Variants in FGD4 observed in about 807,000 individuals in gnomAD.
The protein encoded by FGD4 is FYVE, RhoGEF and PH domain containing 4, also known as FYVE, RhoGEF and PH domain-containing protein 4.
In FGD4, 42 loss-of-function variants were observed where a neutral mutation model predicts 102.0. The observed-to-expected ratio is 0.41, with a 90% CI of 0.32 to 0.53. FGD4 has a LOEUF of 0.53. Ranked by LOEUF, FGD4 falls within the 20% of genes least tolerant of loss-of-function variation. The pLI is 0.21. For synonymous variants in FGD4, 380 were observed against 375.7 expected (o/e 1.01, Z -0.13); for missense variants, 902 against 1,078.2 (o/e 0.84, Z 2.29).
intron 1 of FGD4, among the ~76,000 whole-genome samples, chr12:32,453,200 T>TTTTATATATATA (rs1470836726): frequency 1.5e-5 from 1 of 64,590 alleles, no homozygotes; most frequent in African/African-American, 5.0e-5. Context: ...TATATATATA[T>TTTTATATATATA]TATATATATA....
chr12:32,479,961 T>A (rs1360034403), intron 1 of FGD4, among the ~76,000 whole-genome samples: 1 of 151,464 alleles, frequency 6.6e-6, no homozygotes, highest in East Asian at 2.0e-4. Flanking sequence ...GCTAATTTTT[T>A]GTATTTTCTT....
chr12:32,462,283 A>G (rs538976615), intron 1 of FGD4, among the ~76,000 whole-genome samples: 1 of 152,066 alleles, frequency 6.6e-6, no homozygotes, highest in African/African-American at 2.4e-5. Context: ...CAGCCTCCCA[A>G]GTAGCTGGGA....
intron 1 of FGD4, among the ~76,000 whole-genome samples, chr12:32,411,326 G>T (rs1298087221): frequency 1.3e-5 from 2 of 151,816 alleles, no homozygotes. Flanking sequence ...CACGACGTCA[G>T]GAGTTGAGAC....
intron 14 of FGD4, among the ~76,000 whole-genome samples, chr12:32,629,728 A>G (rs1024442914): frequency 8.6e-5 from 13 of 151,788 alleles, no homozygotes; most frequent in African/African-American, 2.7e-4. Context: ...TTCATTTTTA[A>G]TTTTTAATTA....
intron 1 of FGD4, among the ~76,000 whole-genome samples, chr12:32,483,449 T>C (rs1943814835): frequency 6.6e-6 from 1 of 152,242 alleles, no homozygotes; most frequent in African/African-American, 2.4e-5. Context: ...CATAAAAATC[T>C]ACAATGTACA....
chr12:32,575,929 C>T (rs1946090309), intron 2 of FGD4, among the ~76,000 whole-genome samples: 1 of 152,160 alleles, frequency 6.6e-6, no homozygotes, highest in Admixed American at 6.6e-5. Context: ...TTAGCATCAC[C>T]TTTTCCCTGT....
chr12:32,531,044 T>C (rs1360764677), intron 1 of FGD4, among the ~76,000 whole-genome samples: 2 of 147,090 alleles, frequency 1.4e-5, no homozygotes, highest in Non-Finnish European at 3.0e-5. Flanking sequence ...CTCTGCCTTT[T>C]GGGTTCAAGC....
chr12:32,520,682 C>T (rs535685341), intron 1 of FGD4, among the ~76,000 whole-genome samples: 39 of 152,070 alleles, frequency 2.6e-4, no homozygotes, highest in Non-Finnish European at 4.1e-4. Context: ...GTGATCCACC[C>T]GCCTCGGCCT....
intron 5 of FGD4, 126 bp downstream of exon 5, chr12:32,598,712 T>C (rs1565888607): frequency 4.0e-6 from 3 of 743,086 alleles, no homozygotes; most frequent in Non-Finnish European, 4.7e-6. Flanking sequence ...AGGTACTTGC[T>C]CAAGGAAATC....
chr12:32,485,484 A>G (rs1375595743), intron 1 of FGD4, among the ~76,000 whole-genome samples: 5 of 124,008 alleles, frequency 4.0e-5, no homozygotes, highest in African/African-American at 1.5e-4. Context: ...CCTGTTGCCC[A>G]GGCTGGAGTG....
intron 1 of FGD4, among the ~76,000 whole-genome samples, chr12:32,443,859 G>A (rs1942528227): frequency 6.6e-6 from 1 of 150,814 alleles, no homozygotes; most frequent in African/African-American, 2.4e-5. Flanking sequence ...TTTTGAAGAA[G>A]GAAAAATATT....
chr12:32,473,289 C>A (rs1184205710), intron 1 of FGD4, among the ~76,000 whole-genome samples: 1 of 151,950 alleles, frequency 6.6e-6, no homozygotes, highest in African/African-American at 2.4e-5. Context: ...TGTTCTTTTG[C>A]TCTTTGCAAT....
chr12:32,508,893 C>G (rs1939066579), intron 1 of FGD4, among the ~76,000 whole-genome samples: 1 of 152,248 alleles, frequency 6.6e-6, no homozygotes, highest in Non-Finnish European at 1.5e-5. Flanking sequence ...ACAACTTAAA[C>G]TATTGCACCT....
intron 1 of FGD4, among the ~76,000 whole-genome samples, chr12:32,491,132 T>TTA (rs1944073941): frequency 9.4e-6 from 1 of 106,564 alleles, no homozygotes. Flanking sequence ...TTCTGCCAGT[T>TTA]AAAAAAAAAA....
chr12:32,561,088 T>G (rs1319650661), intron 1 of FGD4, among the ~76,000 whole-genome samples: 16 of 124,030 alleles, frequency 1.3e-4, no homozygotes, highest in Admixed American at 3.9e-4. Flanking sequence ...TTTTTTTTTT[T>G]TTTTTTTTTT....
intron 1 of FGD4, among the ~76,000 whole-genome samples, chr12:32,487,212 G>A (rs1402029427): frequency 6.6e-6 from 1 of 152,078 alleles, no homozygotes; most frequent in Non-Finnish European, 1.5e-5. Context: ...CCTTTGGTGG[G>A]GTGGGTCTCA....
intron 1 of FGD4, among the ~76,000 whole-genome samples, chr12:32,455,169 T>G (rs1056098038): frequency 6.6e-6 from 1 of 152,198 alleles, no homozygotes; most frequent in Non-Finnish European, 1.5e-5. Context: ...CAGTATTTTC[T>G]ACAAATTTCT....
chr12:32,578,628 G>A (rs928588921), intron 3 of FGD4, among the ~76,000 whole-genome samples: 2 of 152,042 alleles, frequency 1.3e-5, no homozygotes, highest in East Asian at 1.9e-4. Context: ...TCAGGAGTTC[G>A]AGATCAGCCT....
intron 1 of FGD4, among the ~76,000 whole-genome samples, chr12:32,563,738 T>G (rs1944915048): frequency 6.6e-6 from 1 of 152,128 alleles, no homozygotes; most frequent in Admixed American, 6.5e-5. Flanking sequence ...CCAGACTCCA[T>G]CTGCAATCCC....
Sources: allele counts gnomAD v4.1 joint callset (sites outside exome capture counted in the v4.1 genomes callset), GRCh38; gene constraint gnomAD v4.1.1; transcripts MANE v1.5; gene names NCBI Gene and HGNC (gene_info 2026-07-23, HGNC 2026-07-21).